Variants in EIF4G3 observed in about 807,000 individuals in gnomAD.
The protein encoded by EIF4G3 is eIF-4-gamma 3.
In EIF4G3, 34 loss-of-function variants were observed where a neutral mutation model predicts 186.4. The observed-to-expected ratio is 0.18, with a 90% CI of 0.14 to 0.24. The LOEUF is 0.24. Ranked by LOEUF, EIF4G3 falls within the 10% of genes least tolerant of loss-of-function variation. EIF4G3 has a pLI of 1.00. For missense variants in EIF4G3, 1,536 were observed against 1,948.5 expected, an observed-to-expected ratio of 0.79 and a Z score of 3.99; for synonymous variants, 673 against 679.5, an observed-to-expected ratio of 0.99 and a Z score of 0.15.
chr1:21,052,418 C>G (rs538051305), intron 3 of EIF4G3, among the ~76,000 whole-genome samples: 5 of 152,168 alleles, frequency 3.3e-5, no homozygotes, highest in Non-Finnish European at 7.3e-5. Context: ...CTTTGCCAAT[C>G]TAGCATAAAA....
chr1:20,946,255 G>A (rs568327565), intron 13 of EIF4G3, among the ~76,000 whole-genome samples: 3 of 152,222 alleles, frequency 2.0e-5, no homozygotes, highest in Non-Finnish European at 2.9e-5. Flanking sequence ...GAACACACTA[G>A]GTGCTTTCAA....
intron 4 of EIF4G3, among the ~76,000 whole-genome samples, chr1:21,022,094 A>T (rs767431690): frequency 1.3e-5 from 2 of 152,212 alleles, no homozygotes; most frequent in Admixed American, 6.5e-5. Flanking sequence ...CCGAAAATGC[A>T]TATCTGTCCA....
intron 14 of EIF4G3, among the ~76,000 whole-genome samples, chr1:20,933,335 G>A (rs2095401260): frequency 6.6e-6 from 1 of 152,076 alleles, no homozygotes; most frequent in Non-Finnish European, 1.5e-5. Context: ...GGAGAGGAGG[G>A]AACAAATGTC....
intron 14 of EIF4G3, among the ~76,000 whole-genome samples, chr1:20,908,400 T>A (rs1446797242): frequency 1.3e-5 from 2 of 152,190 alleles, no homozygotes; most frequent in Non-Finnish European, 2.9e-5. Context: ...TTAACAGACA[T>A]GTTTAATCAT....
At chr1:20,957,101 GA>G (rs2096450039) in intron 12 of EIF4G3, among the ~76,000 whole-genome samples, 1 of 152,086 alleles carries the variant, frequency 6.6e-6, no homozygotes, top group Non-Finnish European at 1.5e-5. Flanking sequence ...ATCTGCAATA[GA>G]GAACATCCTT....
At chr1:20,887,461 C>G (rs1290074238) in intron 18 of EIF4G3, among the ~76,000 whole-genome samples, 1 of 152,196 alleles carries the variant, frequency 6.6e-6, no homozygotes, top group East Asian at 1.9e-4. Flanking sequence ...TAAGCTCAAA[C>G]ACCTTTACAC....
intron 3 of EIF4G3, among the ~76,000 whole-genome samples, chr1:21,083,798 A>G (rs912122664): frequency 6.6e-6 from 1 of 152,212 alleles, no homozygotes; most frequent in African/African-American, 2.4e-5. Flanking sequence ...TCTATTCTCC[A>G]AAGTAATAAA....
intron 14 of EIF4G3, among the ~76,000 whole-genome samples, chr1:20,911,346 C>T (rs552819988): frequency 2.7e-4 from 41 of 151,980 alleles, no homozygotes; most frequent in Admixed American, 2.4e-3. Flanking sequence ...GGAGGGAAGA[C>T]TGCTTGAGGC....
At chr1:20,849,320 C>A (rs2072461449) in intron 29 of EIF4G3, 95 bp downstream of exon 29, 1 of 582,892 alleles carries the variant, frequency 1.7e-6, no homozygotes, top group South Asian at 3.0e-5. Flanking sequence ...TAAGTCTTAT[C>A]AGTTCACAAT....
chr1:20,953,637 C>A (rs1451933712), intron 12 of EIF4G3, among the ~76,000 whole-genome samples: 1 of 151,898 alleles, frequency 6.6e-6, no homozygotes, highest in Non-Finnish European at 1.5e-5. Flanking sequence ...CATTGTTTTG[C>A]ACAAAAAAGG....
At chr1:21,140,648 A>C (rs895374575) in intron 2 of EIF4G3, among the ~76,000 whole-genome samples, 2 of 152,146 alleles carry the variant, frequency 1.3e-5, no homozygotes, top group Non-Finnish European at 2.9e-5. Context: ...TAAAAAGATA[A>C]AATTAAAGTA....
intron 2 of EIF4G3, among the ~76,000 whole-genome samples, chr1:21,119,597 AGTAAATAT>A (rs1278482365): frequency 6.6e-6 from 1 of 152,224 alleles, no homozygotes; most frequent in East Asian, 1.9e-4. Context: ...GCAAACAAAA[AGTAAATAT>A]TATGTAATTT....
chr1:20,948,042 A>T (rs889763609), intron 13 of EIF4G3, among the ~76,000 whole-genome samples: 3 of 152,306 alleles, frequency 2.0e-5, no homozygotes, highest in East Asian at 1.9e-4. Flanking sequence ...TAAATTTTTT[A>T]AAAATCCTGG....
Position 20,904,943 on chromosome 1 carries a change from T to C in EIF4G3, c.1692A>G (p.Thr564=), listed in dbSNP as rs927733795. Residue 564 remains threonine (T), a synonymous_variant, in exon 15 of 37, where the codon ACA becomes ACG. Coordinates refer to ENST00000602326, the MANE Select transcript of EIF4G3 (RefSeq NM_001391906.1). ...GGGTCCGATCTTTTGGTTTCTTCCA[T>C]GTCTTTGGTACAGTTATAGCTATTT... The part of the protein sequence containing the change: ...PAQIAITVPK[T]WKKPKDRTRT... The C allele has an allele frequency of 5.0e-6, 8 of 1,613,900 alleles. No homozygotes were observed. The highest frequency in any genetic ancestry group is 5.9e-6 in the Non-Finnish European group (7 of 1,179,988).
At chr1:20,821,381 C>T (rs2062302244) in intron 33 of EIF4G3, among the ~76,000 whole-genome samples, 1 of 152,174 alleles carries the variant, frequency 6.6e-6, no homozygotes, top group African/African-American at 2.4e-5. Flanking sequence ...TGCAAAATTC[C>T]CAAATTCACT....
At chr1:21,111,489 C>T (rs2096725371) in intron 2 of EIF4G3, 4 of 408,860 alleles carry the variant, frequency 9.8e-6, no homozygotes, top group Middle Eastern at 3.6e-4. Flanking sequence ...TTTTCCTTTC[C>T]GTGGACTATC....
chr1:20,807,541 G>A (rs1020058697), intron 36 of EIF4G3, 41 bp from the exon 37 acceptor site: 2 of 1,460,388 alleles, frequency 1.4e-6, no homozygotes, highest in African/African-American at 2.8e-5. Context: ...TTGGGACACT[G>A]TAGTTATGAG....
At chr1:20,872,247 GGA>G (rs1306265513) in intron 20 of EIF4G3, among the ~76,000 whole-genome samples, 1 of 151,212 alleles carries the variant, frequency 6.6e-6, no homozygotes, top group African/African-American at 2.4e-5. Flanking sequence ...CTCAGCCTTT[GGA>G]GTAGCTGGGA....
intron 2 of EIF4G3, among the ~76,000 whole-genome samples, chr1:21,141,877 G>A (rs568607371): frequency 6.6e-6 from 1 of 151,988 alleles, no homozygotes; most frequent in South Asian, 2.1e-4. Context: ...GCTGCAGTGA[G>A]CTGTGATTAT....
Sources: gnomAD v4.1 joint callset for allele counts (sites outside exome capture counted in the v4.1 genomes callset) on GRCh38, gnomAD v4.1.1 for gene constraint, MANE v1.5 for transcripts, NCBI Gene and HGNC (gene_info 2026-07-23, HGNC 2026-07-21) for gene names.